The following PRKAG1 variants were observed in gnomAD, a reference collection of about 807,000 sequenced individuals.
PRKAG1 encodes protein kinase AMP-activated non-catalytic subunit gamma 1, also known as 5'-AMP-activated protein kinase subunit gamma-1.
Under a neutral mutation model 48.2 loss-of-function variants are expected in PRKAG1, and 27 were observed. That is an observed-to-expected ratio of 0.56 (90% CI 0.41 to 0.77). PRKAG1 has a LOEUF of 0.77. PRKAG1 is among the 30% of genes least tolerant of loss of function. The pLI is 0.00. For synonymous variants in PRKAG1, 130 were observed against 147.7 expected, an observed-to-expected ratio of 0.88 and a Z score of 0.87; for missense variants, 287 against 398.3, an observed-to-expected ratio of 0.72 and a Z score of 2.38.
rs1565733161 is a variant in PRKAG1, at chr12:49,004,969, A to G, written c.405T>C (p.Asn135=). ...GATGGGTAACTGGAACTCACCTGGC[A>G]TTAGGAGAAATGCAGACAAGCGGTT... ...SFKPLVCISP[N]ASLFDAVSSL... The change falls in exon 7 of 12, where the codon AAT becomes AAC. Residue 135 remains asparagine (N), a synonymous_variant. Coordinates refer to ENST00000548065, the MANE Select transcript of PRKAG1 (RefSeq NM_002733.5). 6.2e-7 allele frequency: 1 copy of G among 1,614,040 alleles called. No homozygotes were observed. The highest frequency in any genetic ancestry group is 8.5e-7 in the Non-Finnish European group (1 of 1,179,966).
chr12:49,002,535 G>A lies in PRKAG1; in HGVS notation c.*364C>T, dbSNP rs200710977. 5.4e-4 allele frequency: 204 copies of A among 375,600 alleles called. No individual in the cohort carries two copies. The highest frequency in any genetic ancestry group is 3.8e-3 in the Middle Eastern group (4 of 1,058). 23.3% of individuals were successfully genotyped at this position (375,600 alleles called of 1,614,324 possible). On this transcript the variant is annotated 3_prime_UTR_variant, in exon 12 of 12. Transcript: ENST00000548065. Reference sequence around the variant, plus strand: ...AGAATTTTGTTGTGCTATTATCTTAGGGTTGAATCAGGGCCAAGATGGAGG... The same window carrying A: ...AGAATTTTGTTGTGCTATTATCTTAAGGTTGAATCAGGGCCAAGATGGAGG...
In PRKAG1 at chr12:49,004,603, C is replaced by G; in HGVS notation, c.441G>C (p.Arg147=). Residue 147 remains arginine (R), a synonymous_variant, in exon 8 of 12, where the codon CGG becomes CGC. Coordinates refer to ENST00000548065, the MANE Select transcript of PRKAG1 (RefSeq NM_002733.5). The stretch of plus-strand genomic sequence containing the variant: ...TAACTGGCAGCCTGTGGATCTTGTT[C>G]CGAATTAATGAAGAGACAGCATCAA... ...SLFDAVSSLI[R]NKIHRLPVID... is the part of the protein sequence containing the mutation. 6.2e-7 allele frequency: 1 copy of G among 1,613,942 alleles called. No individual in the cohort carries two copies. The highest frequency in any genetic ancestry group is 8.5e-7 in the Non-Finnish European group (1 of 1,179,948).
intron 1 of PRKAG1, chr12:49,018,300 G>T: frequency 3.7e-6 from 1 of 272,698 alleles, no homozygotes; most frequent in Non-Finnish European, 6.2e-6. Context: ...GGATTGCAGG[G>T]ATCACAGAAA....
chr12:49,012,509 G>C (rs1279842561), intron 2 of PRKAG1: 2 of 152,344 alleles, frequency 1.3e-5, no homozygotes, highest in Non-Finnish European at 2.9e-5. Context: ...CAAGTAGCTG[G>C]GATTACAGGC....
chr12:49,010,989 CAT>C (rs1941736697), intron 2 of PRKAG1, among the ~76,000 whole-genome samples: 5 of 151,950 alleles, frequency 3.3e-5, no homozygotes, highest in Non-Finnish European at 7.4e-5. Flanking sequence ...GATTACGGCA[CAT>C]GTCACCATGC....
At chr12:49,018,399 C>T (rs1399156857) in intron 1 of PRKAG1, 3 of 1,174,876 alleles carry the variant, frequency 2.6e-6, no homozygotes, top group African/African-American at 3.2e-5. Flanking sequence ...CAACCCTGCG[C>T]TCTCAAACCT....
chr12:49,007,558 T>C (rs1941593210), intron 2 of PRKAG1, among the ~76,000 whole-genome samples: 1 of 152,156 alleles, frequency 6.6e-6, no homozygotes. Context: ...CAAATTTTGT[T>C]AAGAAAAAAT....
chr12:49,017,379 G>C (rs891969954), intron 1 of PRKAG1: 21 of 349,308 alleles, frequency 6.0e-5, no homozygotes, highest in South Asian at 1.7e-4. Context: ...GGTAATTTTT[G>C]TATTTTTGTT....
chr12:49,016,921 C>G, intron 1 of PRKAG1: 1 of 340,008 alleles, frequency 2.9e-6, no homozygotes, highest in South Asian at 2.2e-5. Flanking sequence ...GTCTTTTCTC[C>G]CACTGTGACC....
chr12:49,004,769 G>C (rs1941450488), intron 7 of PRKAG1, 136 bp from the exon 8 acceptor site: 4 of 1,398,702 alleles, frequency 2.9e-6, no homozygotes, highest in Non-Finnish European at 4.0e-6. Context: ...GACTTAAAGA[G>C]AAAGAGAGAG....
chr12:49,002,859 T>C lies in PRKAG1; in HGVS notation c.*40A>G. 1 of 1,557,708 alleles carries C rather than the reference T, an allele frequency of 6.4e-7. No individual in the cohort carries two copies. The highest frequency in any genetic ancestry group is 2.2e-5 in the East Asian group (1 of 44,532). ...ACAGAGCTTCCAGCAGGCAGTGAGTTGGGCATATCCCCTGGTGCTGCATGA... is the reference window on the plus strand; with the variant it reads ...ACAGAGCTTCCAGCAGGCAGTGAGTCGGGCATATCCCCTGGTGCTGCATGA... On this transcript the variant is annotated 3_prime_UTR_variant, in exon 12 of 12. Transcript: ENST00000548065.
rs1285018226 is a variant in PRKAG1 at position 49,005,221 on chromosome 12, C to T, written c.310-56G>A. On this transcript the variant is annotated intron_variant, in intron 5 of 11. Transcript: ENST00000548065. This position sits in a 1 kb window ranked among gnomAD's most constrained non-coding sequence, Gnocchi z 4.1. ...TGATCTCTCTGCTTCCTTAAGCCCTCGTGGCTTGCTTGGAGAAAAAGAAAT... is the reference window on the plus strand; with the variant it reads ...TGATCTCTCTGCTTCCTTAAGCCCTTGTGGCTTGCTTGGAGAAAAAGAAAT... The T allele has an allele frequency of 7.9e-5, 128 of 1,612,438 alleles. No individual in the cohort carries two copies. The South Asian group carries it at 1.2e-3, about 15-fold the overall frequency.
chr12:49,008,079 G>A (rs1941616090), intron 2 of PRKAG1, among the ~76,000 whole-genome samples: 1 of 151,998 alleles, frequency 6.6e-6, no homozygotes, highest in South Asian at 2.1e-4. Context: ...GGCTGATCTC[G>A]AACTCCTGAC....
chr12:49,004,744 G>A, intron 7 of PRKAG1, 111 bp from the exon 8 acceptor site: 10 of 1,503,702 alleles, frequency 6.7e-6, no homozygotes, highest in South Asian at 1.2e-5. Context: ...GGGAAGGGGG[G>A]CAGTGTACAG....
chr12:49,018,772 T>G lies in PRKAG1; in HGVS notation c.-32A>C, dbSNP rs375674607. On this transcript the variant is annotated 5_prime_UTR_variant, in exon 1 of 12. Transcript: ENST00000548065. The stretch of plus-strand genomic sequence containing the variant: ...AGGCGCCCGGCTTGGTTTCCTCGCT[T>G]TAGGAAACTCTCTTGGGGCAGGCCC... 3.1e-6 allele frequency: 5 copies of G among 1,612,072 alleles called. No individual in the cohort carries two copies. The African/African-American group carries it at 6.7e-5, about 22-fold the overall frequency.
intron 2 of PRKAG1, among the ~76,000 whole-genome samples, chr12:49,006,546 C>T (rs192962605): frequency 3.9e-5 from 6 of 152,350 alleles, no homozygotes; most frequent in Middle Eastern, 3.4e-3. Context: ...CTACTCTAGA[C>T]AAATGGGAGA....
intron 1 of PRKAG1, among the ~76,000 whole-genome samples, chr12:49,014,187 T>A (rs1267276766): frequency 1.3e-5 from 2 of 152,180 alleles, no homozygotes; most frequent in East Asian, 3.8e-4. Context: ...CCCGGCCATT[T>A]TTATAAAATT....
rs1476514964 is a variant in PRKAG1, at chr12:49,004,852, T to C, written c.410+112A>G. The stretch of plus-strand genomic sequence containing the variant: ...GTGTGTGTGTGTGTGTGTGTGTGTG[T>C]GTGTGTGTGTCTTTTCTCTCTTCTT... On this transcript the variant is annotated intron_variant, in intron 7 of 11. Coordinates refer to ENST00000548065, the MANE Select transcript of PRKAG1 (RefSeq NM_002733.5). 5 of 1,127,382 alleles carry C rather than the reference T, an allele frequency of 4.4e-6. No homozygotes were observed. The Admixed American group carries it at 6.9e-5, about 16-fold the overall frequency. 69.8% of individuals were successfully genotyped at this position (1,127,382 alleles called of 1,614,324 possible). A position where few individuals can be genotyped will look rare whatever the true frequency, so the allele number is the denominator to read the frequency against.
chr12:49,004,767 GAGAA>G (rs1941450352), intron 7 of PRKAG1, 134 bp from the exon 8 acceptor site: 1 of 1,400,238 alleles, frequency 7.1e-7, no homozygotes, highest in Non-Finnish European at 9.9e-7. Context: ...CAGACTTAAA[GAGAA>G]AGAGAGAGAG....
Sources: gnomAD v4.1 joint callset for allele counts (sites outside exome capture counted in the v4.1 genomes callset) on GRCh38, gnomAD v4.1.1 for gene constraint, Gnocchi (gnomAD v3.1) non-coding constraint, MANE v1.5 for transcripts, NCBI Gene and HGNC (gene_info 2026-07-23, HGNC 2026-07-21) for gene names.